The following FRMD4A variants were observed in gnomAD, a reference collection of about 807,000 sequenced individuals.
FRMD4A encodes FERM domain-containing protein 4A.
A neutral mutation model predicts 129.1 loss-of-function variants in FRMD4A; 29 were observed. That is an observed-to-expected ratio of 0.22 (90% CI 0.17 to 0.31). FRMD4A has a LOEUF of 0.31. Ranked by LOEUF, FRMD4A falls within the 10% of genes least tolerant of loss-of-function variation. The pLI is 1.00. For missense variants in FRMD4A, 1,272 were observed against 1,375.8 expected, an observed-to-expected ratio of 0.92 and a Z score of 1.19; for synonymous variants, 634 against 571.6, an observed-to-expected ratio of 1.11 and a Z score of -1.56.
At chr10:14,158,473 T>G (rs377615373) in intron 2 of FRMD4A, among the ~76,000 whole-genome samples, 1 of 151,670 alleles carries the variant, frequency 6.6e-6, no homozygotes, top group South Asian at 2.1e-4. Flanking sequence ...ATTTGCTGAG[T>G]ATGGTGGTGT....
In FRMD4A at chr10:14,200,317, A is replaced by G. The variant is rs960845224; in HGVS notation, c.45+129741T>C. The stretch of plus-strand genomic sequence containing the variant: ...ATAATTTCTTATTTTTTTGAGACAG[A>G]CTCTCACTCTGTCACACCCAGGCTG... On this transcript the variant is annotated intron_variant, in intron 2 of 24. Transcript: ENST00000357447. Among the ~76,000 whole-genome samples the G allele has an allele frequency of 2.0e-5, 3 of 149,832 alleles. 1 individual carries two copies. The highest frequency in any genetic ancestry group is 4.9e-5 in the African/African-American group (2 of 41,030).
intron 2 of FRMD4A, among the ~76,000 whole-genome samples, chr10:14,126,821 G>A (rs1047079449): frequency 1.3e-4 from 19 of 147,210 alleles, no homozygotes; most frequent in Admixed American, 6.2e-4. Flanking sequence ...GAAATCAATA[G>A]GAATGTGCCT....
intron 13 of FRMD4A, among the ~76,000 whole-genome samples, chr10:13,705,360 G>A (rs909378075): frequency 2.0e-5 from 3 of 152,174 alleles, no homozygotes; most frequent in African/African-American, 7.2e-5. Flanking sequence ...GAACACACAT[G>A]TGCAGATATA....
intron 2 of FRMD4A, among the ~76,000 whole-genome samples, chr10:14,047,991 G>A (rs79620047): frequency 6.6e-6 from 1 of 152,186 alleles, no homozygotes; most frequent in African/African-American, 2.4e-5. Flanking sequence ...GGCATTTAGC[G>A]CACAGCCCAG....
At chr10:14,267,859 T>G (rs574194356) in intron 2 of FRMD4A, among the ~76,000 whole-genome samples, 1 of 152,206 alleles carries the variant, frequency 6.6e-6, no homozygotes, top group Non-Finnish European at 1.5e-5. Flanking sequence ...TCTGTAGGAT[T>G]GTTTTATAGG....
chr10:14,218,560 G>A (rs1331841622), intron 2 of FRMD4A, among the ~76,000 whole-genome samples: 1 of 152,086 alleles, frequency 6.6e-6, no homozygotes, highest in African/African-American at 2.4e-5. Flanking sequence ...CTGGATTAAG[G>A]TGTGTCTTAG....
chr10:14,083,455 T>TGAGG (rs1261474658), intron 2 of FRMD4A: 1 of 152,272 alleles, frequency 6.6e-6, no homozygotes, highest in Non-Finnish European at 1.5e-5. Flanking sequence ...TGCAAGAAGG[T>TGAGG]GAGGGAGGGA....
At position 13,672,409 on chromosome 10, in the gene FRMD4A, T is replaced by C. The variant is rs538874368; in HGVS notation, c.1252-1881A>G. Among the ~76,000 whole-genome samples the C allele has an allele frequency of 6.6e-5, 10 of 152,142 alleles. No homozygotes were observed. The East Asian group carries it at 1.9e-3, about 29-fold the overall frequency. On this transcript the variant is annotated intron_variant, in intron 16 of 24. Coordinates refer to ENST00000357447, the MANE Select transcript of FRMD4A (RefSeq NM_018027.5). ...CTATAAGTAACACAACTATTGAGGG[T>C]TTTATATTGTCAGGACTTGATTTTT...
intron 4 of FRMD4A, among the ~76,000 whole-genome samples, chr10:13,802,073 A>G (rs1486255472): frequency 2.0e-5 from 3 of 151,604 alleles, no homozygotes; most frequent in African/African-American, 7.3e-5. Flanking sequence ...ACTGATAACT[A>G]TCTTTAAAGC....
chr10:13,975,104 T>C (rs534926457), intron 2 of FRMD4A, among the ~76,000 whole-genome samples: 28 of 152,116 alleles, frequency 1.8e-4, no homozygotes, highest in African/African-American at 6.3e-4. Context: ...TGTGTGTGTG[T>C]GCCTGGCTCT....
At chr10:14,226,846 T>G (rs955378984) in intron 2 of FRMD4A, among the ~76,000 whole-genome samples, 2 of 152,252 alleles carry the variant, frequency 1.3e-5, no homozygotes, top group East Asian at 3.9e-4. Context: ...CTGGTCCGCT[T>G]TACTGCCCTC....
chr10:14,171,961 C>T (rs367551214), intron 2 of FRMD4A, among the ~76,000 whole-genome samples: 2 of 152,170 alleles, frequency 1.3e-5, no homozygotes, highest in Admixed American at 6.5e-5. Context: ...GTCTTCTCTT[C>T]GGATAAATTA....
At chr10:13,800,305 T>C (rs1308144369) in intron 4 of FRMD4A, among the ~76,000 whole-genome samples, 1 of 152,226 alleles carries the variant, frequency 6.6e-6, no homozygotes, top group African/African-American at 2.4e-5. Context: ...TCAAAAGAAG[T>C]ATTTGCTCAT....
At chr10:14,300,491 C>T (rs866873392) in intron 2 of FRMD4A, among the ~76,000 whole-genome samples, 3 of 152,166 alleles carry the variant, frequency 2.0e-5, no homozygotes, top group Non-Finnish European at 4.4e-5. Flanking sequence ...CATGAACTAG[C>T]AATTGATGTT....
intron 2 of FRMD4A, among the ~76,000 whole-genome samples, chr10:14,070,596 C>T (rs1422233027): frequency 6.6e-6 from 1 of 152,196 alleles, no homozygotes; most frequent in Non-Finnish European, 1.5e-5. Context: ...TTCAGAGACA[C>T]TGGAACCCTC....
chr10:14,099,028 A>G (rs997211020), intron 2 of FRMD4A, among the ~76,000 whole-genome samples: 1 of 152,120 alleles, frequency 6.6e-6, no homozygotes, highest in Admixed American at 6.5e-5. Flanking sequence ...TCCCAGGAGC[A>G]CTCCACTTAG....
chr10:13,807,710 T>C lies in FRMD4A; in HGVS notation c.206+3104A>G, dbSNP rs1564836440. Among the ~76,000 whole-genome samples, 4 of 152,164 alleles carry C rather than the reference T, an allele frequency of 2.6e-5. No individual in the cohort carries two copies. In the South Asian group the frequency reaches 6.2e-4, roughly 24 times the overall value. On this transcript the variant is annotated intron_variant, in intron 4 of 24. Transcript: ENST00000357447. ...TATATATATTTTCTCCAGTTTCATC[T>C]AGATCCCACAAAATGTCAACAGCAG...
At chr10:14,294,843 G>A (rs1218458) in intron 2 of FRMD4A, among the ~76,000 whole-genome samples, 31,569 of 152,086 alleles carry the variant, frequency 0.21, 5,195 homozygotes, top group African/African-American at 0.46. Context: ...TGTGAGGAGC[G>A]TGTCTATTAT....
At chr10:14,197,584 C>T (rs1842509011) in intron 2 of FRMD4A, among the ~76,000 whole-genome samples, 1 of 152,162 alleles carries the variant, frequency 6.6e-6, no homozygotes, top group Admixed American at 6.5e-5. Context: ...TGGACTTGAA[C>T]TCCTGACTCC....
Sources: allele counts gnomAD v4.1 joint callset (sites outside exome capture counted in the v4.1 genomes callset), GRCh38; gene constraint gnomAD v4.1.1; transcripts MANE v1.5; gene names NCBI Gene and HGNC (gene_info 2026-07-23, HGNC 2026-07-21).